The following TNFAIP8L3 variants were observed in gnomAD, a reference collection of about 807,000 sequenced individuals.
TNFAIP8L3 encodes the protein TNF alpha induced protein 8 like 3, also known as tumor necrosis factor alpha-induced protein 8-like protein 3.
Under a neutral mutation model 11.8 loss-of-function variants are expected in TNFAIP8L3, and 7 were observed. The observed-to-expected ratio is 0.59, with a 90% confidence interval of 0.34 to 1.11. The LOEUF is 1.11. Ranked by LOEUF, TNFAIP8L3 falls within the 50% of genes most tolerant of loss-of-function variation. TNFAIP8L3 has a pLI of 0.03. For missense variants in TNFAIP8L3, 219 were observed against 258.6 expected (o/e 0.85, Z 1.05); for synonymous variants, 98 against 103.8 (o/e 0.94, Z 0.34).
At chr15:51,072,895 T>C (rs12591500) in intron 1 of TNFAIP8L3, among the ~76,000 whole-genome samples, 28,410 of 152,022 alleles carry the variant, frequency 0.19, 3,397 homozygotes, top group East Asian at 0.44. Context: ...AGAAACTGTC[T>C]TGATTATTCT....
chr15:51,090,930 A>C lies in TNFAIP8L3; in HGVS notation c.52+3614T>G, dbSNP rs1420058606. Among the ~76,000 whole-genome samples the C allele has an allele frequency of 3.8e-5, 5 of 132,132 alleles. No individual in the cohort carries two copies. The East Asian group carries it at 9.4e-4, about 25-fold the overall frequency. 86.7% of individuals were successfully genotyped at this position (132,132 alleles called of 152,430 possible). A position where few individuals can be genotyped will look rare whatever the true frequency, so the allele number is the denominator to read the frequency against. On this transcript the variant is annotated intron_variant, in intron 1 of 1. Coordinates refer to ENST00000637513, the MANE Select transcript of TNFAIP8L3 (RefSeq NM_001311175.2). ...GCTGTCTTGATCTTCCAAGCCAGAA[A>C]GGGGAAAAAACTGACGTCGCTGTTT...
At chr15:51,067,655 TTC>T (rs774679897) in intron 1 of TNFAIP8L3, among the ~76,000 whole-genome samples, 2 of 152,268 alleles carry the variant, frequency 1.3e-5, no homozygotes, top group Non-Finnish European at 2.9e-5. Flanking sequence ...CACTCGTTTG[TTC>T]TCTTTCAGCA....
At position 51,057,978 on chromosome 15, in the gene TNFAIP8L3, A is replaced by G; in HGVS notation, c.518T>C (p.Phe173Ser). Reference sequence around the variant, plus strand: ...ATCCAGACTATAGAGGGTGGAGAGGAACTCCACATCGGCAAAGTGGTTAAA... The same window carrying G: ...ATCCAGACTATAGAGGGTGGAGAGGGACTCCACATCGGCAAAGTGGTTAAA... ...HVFNHFADVE[F>S]LSTLYSLDGD... The change falls in exon 2 of 2, where the codon TTC (phenylalanine) becomes TCC (serine). Residue 173 changes from phenylalanine to serine, a missense_variant. Physicochemically the swap from Phe to Ser is radical, Grantham distance 155. Transcript: ENST00000637513. 1 of 1,614,138 alleles carries G rather than the reference A, an allele frequency of 6.2e-7. No individual in the cohort carries two copies. The highest frequency in any genetic ancestry group is 1.3e-5 in the African/African-American group (1 of 75,042).
intron 1 of TNFAIP8L3, among the ~76,000 whole-genome samples, chr15:51,084,905 C>T (rs1376162697): frequency 1.3e-5 from 2 of 152,114 alleles, no homozygotes; most frequent in South Asian, 2.1e-4. Context: ...AGAGCTCCAT[C>T]TTAAGGGACA....
chr15:51,105,131 A>G lies in TNFAIP8L3; in HGVS notation c.46T>C (p.Cys16Arg), dbSNP rs1437027847. The G allele has an allele frequency of 4.3e-6, 7 of 1,613,968 alleles. No individual in the cohort carries two copies. Among genetic ancestry groups the G allele is most frequent in the African/African-American group, 2.7e-5 (2 of 74,902 alleles). ...AGTTTCCCCTTTGGCTCTGCCTCAC[A>G]GAGTGTGGAAACCAGTGTGCTTGGG... Residue 16 changes from cysteine to arginine, a missense_variant, in exon 1 of 3, where the codon TGT becomes CGT. Transcript: ENST00000327536.
chr15:51,094,628 C>T lies in TNFAIP8L3; in HGVS notation c.-33G>A, dbSNP rs1234329549. 14 of 1,443,336 alleles carry T rather than the reference C, an allele frequency of 9.7e-6. No individual in the cohort carries two copies. The South Asian group carries it at 1.6e-4, about 17-fold the overall frequency. The allele number at this position is 1,443,336 out of a possible 1,614,324, so 89.4% of individuals were successfully genotyped here. A position where few individuals can be genotyped will look rare whatever the true frequency, so the allele number is the denominator to read the frequency against. On this transcript the variant is annotated 5_prime_UTR_variant, in exon 1 of 2. It adds an upstream start codon to the 5' untranslated region. Transcript: ENST00000637513. The surrounding 1 kb of genome is among the most constrained non-coding windows in gnomAD (Gnocchi z 4.4). ...GCTGCTGGCTGGGCGTCCACGGCCA[C>T]CCGCCCGTCTGCGGGGCGCTCGGGC...
At chr15:51,090,126 A>G (rs563251494) in intron 1 of TNFAIP8L3, among the ~76,000 whole-genome samples, 1 of 152,358 alleles carries the variant, frequency 6.6e-6, no homozygotes, top group East Asian at 1.9e-4. Context: ...AGGAAGAGGC[A>G]GCGTCTGTGG....
chr15:51,077,881 T>G (rs978732084), intron 1 of TNFAIP8L3, among the ~76,000 whole-genome samples: 5 of 152,166 alleles, frequency 3.3e-5, no homozygotes, highest in African/African-American at 1.2e-4. Flanking sequence ...GGACCACTTA[T>G]TTTTTTCTCC....
intron 1 of TNFAIP8L3, among the ~76,000 whole-genome samples, chr15:51,084,140 A>T (rs1449189549): frequency 6.6e-6 from 1 of 152,024 alleles, no homozygotes; most frequent in Non-Finnish European, 1.5e-5. Context: ...CTGTGAGGGG[A>T]GATTTCTCCC....
intron 1 of TNFAIP8L3, among the ~76,000 whole-genome samples, chr15:51,084,185 T>A (rs551308259): frequency 6.7e-6 from 1 of 149,756 alleles, no homozygotes; most frequent in Non-Finnish European, 1.5e-5. Flanking sequence ...TGTATAGGGG[T>A]GTGTGTGTGT....
intron 1 of TNFAIP8L3, among the ~76,000 whole-genome samples, chr15:51,083,784 G>C (rs548197364): frequency 6.6e-6 from 1 of 152,336 alleles, no homozygotes; most frequent in East Asian, 1.9e-4. Context: ...AGGGCAGGGG[G>C]TGAACAGGGC....
At chr15:51,069,324 AT>A (rs2140967843) in intron 1 of TNFAIP8L3, among the ~76,000 whole-genome samples, 1 of 152,360 alleles carries the variant, frequency 6.6e-6, no homozygotes, top group East Asian at 1.9e-4. Flanking sequence ...ACATGACAAA[AT>A]TTCCCAACTC....
chr15:51,079,616 C>G (rs2065377458), intron 1 of TNFAIP8L3, among the ~76,000 whole-genome samples: 1 of 152,190 alleles, frequency 6.6e-6, no homozygotes, highest in African/African-American at 2.4e-5. Context: ...ACATCACTCA[C>G]CAGGTTGCTC....
At chr15:51,070,095 A>G (rs1424928806) in intron 1 of TNFAIP8L3, among the ~76,000 whole-genome samples, 1 of 152,236 alleles carries the variant, frequency 6.6e-6, no homozygotes, top group African/African-American at 2.4e-5. Flanking sequence ...ACAGTTACAT[A>G]TTAATGTTGC....
At chr15:51,070,658 C>T (rs890671923) in intron 1 of TNFAIP8L3, among the ~76,000 whole-genome samples, 3 of 152,238 alleles carry the variant, frequency 2.0e-5, no homozygotes, top group South Asian at 2.1e-4. Context: ...CACTGAGCTG[C>T]GATGCATGGG....
chr15:51,091,398 C>T (rs889846488), intron 1 of TNFAIP8L3, among the ~76,000 whole-genome samples: 2 of 152,102 alleles, frequency 1.3e-5, no homozygotes, highest in South Asian at 4.1e-4. Context: ...CATGATGGTT[C>T]CTGCCACCTT....
chr15:51,066,398 G>A (rs1567287759), intron 1 of TNFAIP8L3, among the ~76,000 whole-genome samples: 2 of 152,034 alleles, frequency 1.3e-5, no homozygotes, highest in African/African-American at 2.4e-5. Flanking sequence ...TCCTGACCTC[G>A]TGATCCACCC....
At chr15:51,060,498 G>C (rs2065235711) in intron 1 of TNFAIP8L3, among the ~76,000 whole-genome samples, 1 of 152,214 alleles carries the variant, frequency 6.6e-6, no homozygotes, top group African/African-American at 2.4e-5. Flanking sequence ...TAAGTCTTTA[G>C]ACTCTCTAGA....
Position 51,083,038 on chromosome 15 carries a change from T to C in TNFAIP8L3, c.52+11506A>G, listed in dbSNP as rs143685930. 2.7e-3 allele frequency among the ~76,000 whole-genome samples: 416 copies of C among 152,286 alleles called. 1 individual carries two copies. The highest frequency in any genetic ancestry group is 9.4e-3 in the African/African-American group (390 of 41,556). ...ACTATTAAGGGTGATTGGGGCTAAT[T>C]TAAAACTGGGTTAAAAATTCTGTTA... On this transcript the variant is annotated intron_variant, in intron 1 of 1. Coordinates refer to ENST00000637513, the MANE Select transcript of TNFAIP8L3 (RefSeq NM_001311175.2).
Sources: gnomAD v4.1 joint callset for allele counts (sites outside exome capture counted in the v4.1 genomes callset) on GRCh38, gnomAD v4.1.1 for gene constraint, Gnocchi (gnomAD v3.1) non-coding constraint, MANE v1.5 for transcripts, NCBI Gene and HGNC (gene_info 2026-07-23, HGNC 2026-07-21) for gene names.